The following ZFP3 variants were observed in gnomAD, a reference collection of about 807,000 sequenced individuals.
ZFP3 encodes the protein zinc finger protein 3 homolog.
Under a neutral mutation model 36.7 loss-of-function variants are expected in ZFP3, and 18 were observed. That is an observed-to-expected ratio of 0.49 (90% CI 0.34 to 0.73). The LOEUF is 0.73. Among genes scored for constraint, ZFP3 ranks in the 30% least tolerant of loss-of-function variants. The pLI is 0.01. For missense variants in ZFP3, 495 were observed against 599.0 expected (o/e 0.83, Z 1.81); for synonymous variants, 218 against 199.0 (o/e 1.10, Z -0.81).
At chr17:5,080,502 A>G (rs1228015996) in intron 1 of ZFP3, among the ~76,000 whole-genome samples, 4 of 152,134 alleles carry the variant, frequency 2.6e-5, no homozygotes, top group Non-Finnish European at 5.9e-5. Context: ...CTCTTTATAC[A>G]TTTGCAAGTT....
At chr17:5,083,087 G>T (rs2072102476) in intron 1 of ZFP3, among the ~76,000 whole-genome samples, 1 of 152,064 alleles carries the variant, frequency 6.6e-6, no homozygotes, top group East Asian at 1.9e-4. Flanking sequence ...ATATCTGTCT[G>T]CTGTCAGGTT....
chr17:5,094,700 C>G lies in ZFP3; in HGVS notation c.*1687C>G. On this transcript the variant is annotated 3_prime_UTR_variant, in exon 2 of 2. Transcript: ENST00000318833. ...ATCTTTGTTACACTAATATTAGTCA[C>G]TAATATTTATTGAGTGTTTACTACC... The G allele has an allele frequency of 6.0e-6, 1 of 167,164 alleles. No individual in the cohort carries two copies. 10.4% of individuals were successfully genotyped at this position (167,164 alleles called of 1,614,324 possible).
At position 5,092,139 on chromosome 17, in the gene ZFP3, TTATTCACCATCA is replaced by T; in HGVS notation, c.638_649del (p.Ile213_His216del). ...AAGGCCTTCATTCAGAGTTCACACC[TTATTCACCATCA>T]TAGAATTCATACTGGAGAGAGACCC... On this transcript the variant is annotated inframe_deletion, in exon 2 of 2. Coordinates refer to ENST00000318833, the MANE Select transcript of ZFP3 (RefSeq NM_153018.3). The surrounding 1 kb of genome is among the most constrained non-coding windows in gnomAD (Gnocchi z 5.0). 1 of 1,614,198 alleles carries T rather than the reference TTATTCACCATCA, an allele frequency of 6.2e-7. No homozygotes were observed. The highest frequency in any genetic ancestry group is 1.1e-5 in the South Asian group (1 of 91,080).
rs990241622 is a variant in ZFP3, at chr17:5,094,235, A to C, written c.*1222A>C. The C allele has an allele frequency of 6.0e-6, 1 of 167,122 alleles. No individual in the cohort carries two copies. The highest frequency in any genetic ancestry group is 2.4e-5 in the African/African-American group (1 of 41,472). The allele number at this position is 167,122 out of a possible 1,614,324, so 10.4% of individuals were successfully genotyped here. On this transcript the variant is annotated 3_prime_UTR_variant, in exon 2 of 2. Transcript: ENST00000318833. Reference sequence around the variant, plus strand: ...TTTTCTTGAATAACTTTAAAAAAATAGAGATAAAGTCTTGCTATGTTGCCC... The same window carrying C: ...TTTTCTTGAATAACTTTAAAAAAATCGAGATAAAGTCTTGCTATGTTGCCC...
intron 1 of ZFP3, among the ~76,000 whole-genome samples, chr17:5,089,763 C>T (rs951215071): frequency 1.3e-5 from 2 of 151,966 alleles, no homozygotes; most frequent in African/African-American, 4.8e-5. Context: ...TCAAGTGACC[C>T]TCCTACCTCA....
chr17:5,079,882 A>G (rs2072084215), intron 1 of ZFP3, among the ~76,000 whole-genome samples: 1 of 151,846 alleles, frequency 6.6e-6, no homozygotes, highest in Non-Finnish European at 1.5e-5. Context: ...TCTACTAGAA[A>G]TACAAAATTA....
rs150286815 is a variant in ZFP3, at chr17:5,092,893, A to G, written c.1389A>G (p.Gln463=). 434 of 1,614,182 alleles carry G rather than the reference A, an allele frequency of 2.7e-4. No homozygotes were observed. Among genetic ancestry groups the G allele is most frequent in the Non-Finnish European group, 3.4e-4 (396 of 1,180,022 alleles). The change falls in exon 2 of 2, where the codon CAA becomes CAG. Residue 463 remains glutamine, a synonymous_variant. Coordinates refer to ENST00000318833, the MANE Select transcript of ZFP3 (RefSeq NM_153018.3). This position sits in a 1 kb window ranked among gnomAD's most constrained non-coding sequence, Gnocchi z 5.0. The part of the protein sequence containing the change: ...ECEKTFSQHS[Q]LIIHQRIHTG... ...AGAAAACATTTAGCCAGCATTCCCA[A>G]CTTATCATACATCAGAGAATTCACA...
rs2072160454 is a variant in ZFP3, at chr17:5,093,209, G to A, written c.*196G>A. On this transcript the variant is annotated 3_prime_UTR_variant, in exon 2 of 2. Coordinates refer to ENST00000318833, the MANE Select transcript of ZFP3 (RefSeq NM_153018.3). ...TTTTTTTTTTAAGCATTGGGGTCTT[G>A]CTCTGTTGCCCAGGATGGGATGCAG... 2 of 560,688 alleles carry A rather than the reference G, an allele frequency of 3.6e-6. No homozygotes were observed. The highest frequency in any genetic ancestry group is 6.4e-5 in the East Asian group (2 of 31,126). 34.7% of individuals were successfully genotyped at this position (560,688 alleles called of 1,614,324 possible). A position where few individuals can be genotyped will look rare whatever the true frequency, so the allele number is the denominator to read the frequency against.
At chr17:5,085,049 GTT>G (rs992454892) in intron 1 of ZFP3, among the ~76,000 whole-genome samples, 1 of 151,846 alleles carries the variant, frequency 6.6e-6, no homozygotes, top group Non-Finnish European at 1.5e-5. Flanking sequence ...GGCTTTCTGT[GTT>G]TTTTTTGAGA....
Position 5,092,630 on chromosome 17 carries a change from G to C in ZFP3, c.1126G>C (p.Gly376Arg), listed in dbSNP as rs773664431. ...VCKECGKAFR[G>R]NSELLRHERI... is the part of the protein sequence containing the mutation. ...TAAGGAATGTGGGAAGGCCTTCAGG[G>C]GGAACTCAGAACTTCTTAGACATGA... Residue 376 changes from glycine (G) to arginine (R), a missense_variant, in exon 2 of 2, where the codon GGG becomes CGG. Transcript: ENST00000318833. The surrounding 1 kb of genome is among the most constrained non-coding windows in gnomAD (Gnocchi z 5.0). The C allele has an allele frequency of 9.9e-6, 16 of 1,614,018 alleles. No homozygotes were observed. Among genetic ancestry groups the C allele is most frequent in the Non-Finnish European group, 1.4e-5 (16 of 1,179,996 alleles).
intron 1 of ZFP3, among the ~76,000 whole-genome samples, chr17:5,089,751 G>T (rs918348367): frequency 2.0e-5 from 3 of 151,190 alleles, no homozygotes; most frequent in African/African-American, 7.4e-5. Flanking sequence ...GACCCCCTGG[G>T]CTCAAGTGAC....
intron 1 of ZFP3, among the ~76,000 whole-genome samples, chr17:5,080,056 A>AAG (rs1386835708): frequency 1.3e-5 from 2 of 152,098 alleles, no homozygotes; most frequent in African/African-American, 2.4e-5. Context: ...AAAAAAAAAA[A>AAG]TAGGTATCGT....
chr17:5,081,720 G>T (rs1262781576), intron 1 of ZFP3, among the ~76,000 whole-genome samples: 1 of 151,562 alleles, frequency 6.6e-6, no homozygotes, highest in South Asian at 2.1e-4. Context: ...TCCTGCCTCA[G>T]CCTCCCGAGT....
rs767362535 is a variant in ZFP3 at position 5,093,828 on chromosome 17, T to G, written c.*815T>G. 2 of 167,026 alleles carry G rather than the reference T, an allele frequency of 1.2e-5. No homozygotes were observed. Among genetic ancestry groups the G allele is most frequent in the Non-Finnish European group, 2.9e-5 (2 of 68,120 alleles). The allele number at this position is 167,026 out of a possible 1,614,324, so 10.3% of individuals were successfully genotyped here. ...GGGATTATAAGTGAAGGCCTTAGAA[T>G]CCAGAGGGGCCGATTAGGCAACACC... On this transcript the variant is annotated 3_prime_UTR_variant, in exon 2 of 2. Transcript: ENST00000318833.
rs1567750846 is a variant in ZFP3, at chr17:5,093,917, C to A, written c.*904C>A. The A allele has an allele frequency of 6.0e-6, 1 of 167,166 alleles. No individual in the cohort carries two copies. Among genetic ancestry groups the A allele is most frequent in the Non-Finnish European group, 1.5e-5 (1 of 68,132 alleles). 10.4% of individuals were successfully genotyped at this position (167,166 alleles called of 1,614,324 possible). The stretch of plus-strand genomic sequence containing the variant: ...CAGAAGCAGCTCTTCAGGAGCTGTC[C>A]ACACTTCAGGGGTGCTCAGACTGAC... On this transcript the variant is annotated 3_prime_UTR_variant, in exon 2 of 2. Coordinates refer to ENST00000318833, the MANE Select transcript of ZFP3 (RefSeq NM_153018.3).
intron 1 of ZFP3, among the ~76,000 whole-genome samples, chr17:5,083,341 TGAGGTCAGGA>T (rs1304689119): frequency 2.2e-4 from 34 of 152,202 alleles, no homozygotes; most frequent in South Asian, 1.9e-3. Flanking sequence ...ATGGATCACC[TGAGGTCAGGA>T]GTTGGAGACC....
chr17:5,085,752 GA>G (rs967530860), intron 1 of ZFP3, among the ~76,000 whole-genome samples: 1 of 152,196 alleles, frequency 6.6e-6, no homozygotes, highest in Non-Finnish European at 1.5e-5. Flanking sequence ...GTTTTGCTAA[GA>G]AAAAGTGATT....
intron 1 of ZFP3, among the ~76,000 whole-genome samples, chr17:5,079,797 T>A (rs1015721479): frequency 9.9e-5 from 15 of 152,178 alleles, no homozygotes; most frequent in Admixed American, 8.5e-4. Flanking sequence ...CCCAGCACTT[T>A]GGGAGGCAAA....
intron 1 of ZFP3, among the ~76,000 whole-genome samples, chr17:5,085,244 C>T (rs2072114771): frequency 6.6e-6 from 1 of 152,036 alleles, no homozygotes; most frequent in African/African-American, 2.4e-5. Flanking sequence ...CAGGGTTTCA[C>T]CATGTTGTCC....
Sources: gnomAD v4.1 joint callset for allele counts (sites outside exome capture counted in the v4.1 genomes callset) on GRCh38, gnomAD v4.1.1 for gene constraint, Gnocchi (gnomAD v3.1) non-coding constraint, MANE v1.5 for transcripts, NCBI Gene and HGNC (gene_info 2026-07-23, HGNC 2026-07-21) for gene names.